YLPM1: variants seen among roughly 807,000 people sequenced by gnomAD.
The protein encoded by YLPM1 is YLP motif-containing protein 1.
In YLPM1, 99 loss-of-function variants were observed where a neutral mutation model predicts 230.0. The ratio of observed to expected loss-of-function variants is 0.43; its 90% CI spans 0.37 to 0.51. The LOEUF is 0.51. Ranked by LOEUF, YLPM1 falls within the 20% of genes least tolerant of loss-of-function variation. YLPM1 has a pLI of 0.00. For missense variants in YLPM1, 2,592 were observed against 2,707.7 expected (o/e 0.96, Z 0.95); for synonymous variants, 984 against 942.5 (o/e 1.04, Z -0.81).
chr14:74,774,734 G>A (rs1487017563), intron 1 of YLPM1, among the ~76,000 whole-genome samples: 1 of 151,824 alleles, frequency 6.6e-6, no homozygotes, highest in African/African-American at 2.4e-5. Context: ...TGTAGAGACG[G>A]GGTTTCACCA....
rs368628190 is a variant in YLPM1, at chr14:74,764,396, C to G, written c.873+34C>G. The G allele has an allele frequency of 2.6e-5, 40 of 1,545,874 alleles. No individual in the cohort carries two copies. In the Admixed American group the frequency reaches 3.6e-4, roughly 14 times the overall value. On this transcript the variant is annotated intron_variant, in intron 1 of 20. Coordinates refer to ENST00000325680, the MANE Select transcript of YLPM1 (RefSeq NM_019589.3). ...GCATCTGCCTGAACCTCATCTTTCACCTAGAGGGCCCTGAATGAGCAGGCC... is the reference window on the plus strand; with the variant it reads ...GCATCTGCCTGAACCTCATCTTTCAGCTAGAGGGCCCTGAATGAGCAGGCC...
At chr14:74,804,431 T>C (rs1346720234) in intron 6 of YLPM1, among the ~76,000 whole-genome samples, 2 of 152,162 alleles carry the variant, frequency 1.3e-5, no homozygotes, top group African/African-American at 4.8e-5. Context: ...GCTACTCCAC[T>C]CTCTGATGCT....
Position 74,817,118 on chromosome 14 carries a change from A to T in YLPM1, c.5862+11A>T. The T allele has an allele frequency of 6.3e-7, 1 of 1,598,834 alleles. No individual in the cohort carries two copies. The highest frequency in any genetic ancestry group is 8.5e-7 in the Non-Finnish European group (1 of 1,173,622). Reference sequence around the variant, plus strand: ...ACCAAGGGATTTGAGGTAGAAGCTTAAAGAACTTTAAAGTACTTTGTGTTG... The same window carrying T: ...ACCAAGGGATTTGAGGTAGAAGCTTTAAGAACTTTAAAGTACTTTGTGTTG... On this transcript the variant is annotated intron_variant, in intron 14 of 20. Transcript: ENST00000325680.
chr14:74,801,088 TC>T (rs1184938821), intron 5 of YLPM1, among the ~76,000 whole-genome samples: 1 of 152,238 alleles, frequency 6.6e-6, no homozygotes, highest in East Asian at 1.9e-4. Context: ...TCTTTTTTTT[TC>T]CTTTTTAAAT....
chr14:74,781,952 G>A lies in YLPM1; in HGVS notation c.1909G>A (p.Gly637Arg). The A allele has an allele frequency of 6.2e-7, 1 of 1,613,412 alleles. No homozygotes were observed. Among genetic ancestry groups the A allele is most frequent in the Non-Finnish European group, 8.5e-7 (1 of 1,179,678 alleles). Residue 637 changes from glycine (G) to arginine (R), a missense_variant, in exon 4 of 21, where the codon GGA becomes AGA. Around this residue, in one of 4 missense-constraint regions of YLPM1, gnomAD observed 1,862 missense variants for 1,819.8 expected, o/e 1.02. Transcript: ENST00000325680. The part of the protein sequence containing the change: ...ATPPPGIPPP[G>R]VPQGIPPQLT... ...ACCTCCTCCAGGAATACCTCCCCCT[G>A]GAGTTCCACAAGGGATACCTCCTCA... is the stretch of plus-strand genomic sequence containing the variant.
intron 4 of YLPM1, among the ~76,000 whole-genome samples, chr14:74,785,943 A>G (rs2091145458): frequency 6.6e-6 from 1 of 152,230 alleles, no homozygotes; most frequent in African/African-American, 2.4e-5. Context: ...TTGGTCCAGA[A>G]AACTGTCATA....
intron 4 of YLPM1, among the ~76,000 whole-genome samples, chr14:74,795,846 G>C (rs1371261319): frequency 6.6e-6 from 1 of 152,224 alleles, no homozygotes; most frequent in Non-Finnish European, 1.5e-5. Context: ...TAACAAGTTA[G>C]AAGTTTATTC....
intron 4 of YLPM1, among the ~76,000 whole-genome samples, chr14:74,787,605 T>G (rs1444892141): frequency 6.6e-6 from 1 of 151,430 alleles, no homozygotes; most frequent in African/African-American, 2.4e-5. Context: ...AACGCTGCAG[T>G]AAGACAGTTT....
Position 74,782,004 on chromosome 14 carries a change from C to T in YLPM1, c.1961C>T (p.Ala654Val), listed in dbSNP as rs528287760. The stretch of plus-strand genomic sequence containing the variant: ...TTAACAGCAGCCCCAGTTCCACCAG[C>T]CTCCAGTTCACAGAGCTCGCAAGTT... ...PQLTAAPVPP[A>V]SSSQSSQVPE... The change falls in exon 4 of 21, where the codon GCC becomes GTC. Residue 654 changes from alanine to valine, a missense_variant. This residue lies in a region of YLPM1 where 1,862 missense variants were observed against 1,819.8 expected (regional missense o/e 1.02). Coordinates refer to ENST00000325680, the MANE Select transcript of YLPM1 (RefSeq NM_019589.3). The T allele has an allele frequency of 3.3e-5, 54 of 1,613,920 alleles. No homozygotes were observed. The African/African-American group carries it at 6.4e-4, about 19-fold the overall frequency.
At chr14:74,810,815 T>G (rs1470348939) in intron 9 of YLPM1, among the ~76,000 whole-genome samples, 1 of 152,064 alleles carries the variant, frequency 6.6e-6, no homozygotes, top group African/African-American at 2.4e-5. Context: ...TATTTATTTA[T>G]TTATTCATTA....
intron 1 of YLPM1, among the ~76,000 whole-genome samples, 160 bp from the exon 2 acceptor site, chr14:74,778,287 G>A (rs577115900): frequency 6.6e-6 from 1 of 152,270 alleles, no homozygotes; most frequent in African/African-American, 2.4e-5. Flanking sequence ...TGTAGCCTGT[G>A]TTTAAGATCT....
chr14:74,796,237 TTTTA>T (rs1162281229), intron 4 of YLPM1, among the ~76,000 whole-genome samples: 1 of 152,244 alleles, frequency 6.6e-6, no homozygotes, highest in African/African-American at 2.4e-5. Flanking sequence ...TTACCTTATT[TTTTA>T]GTGTGCTGCT....
At chr14:74,814,775 A>G (rs149990933) in intron 11 of YLPM1, among the ~76,000 whole-genome samples, 84 of 152,298 alleles carry the variant, frequency 5.5e-4, no homozygotes, top group African/African-American at 1.9e-3. Context: ...TTCCTATTCT[A>G]TGTTTTTGAA....
chr14:74,784,352 C>T (rs1197682273), intron 4 of YLPM1, among the ~76,000 whole-genome samples: 1 of 152,320 alleles, frequency 6.6e-6, no homozygotes, highest in South Asian at 2.1e-4. Flanking sequence ...TCTACGGCAA[C>T]GCACGTTTGT....
intron 1 of YLPM1, among the ~76,000 whole-genome samples, chr14:74,772,534 T>C (rs1200564444): frequency 2.0e-5 from 3 of 151,962 alleles, no homozygotes; most frequent in Non-Finnish European, 2.9e-5. Context: ...AAGTTTTGTA[T>C]TTTTAGTAGA....
chr14:74,781,004 T>C (rs563897566), intron 3 of YLPM1, among the ~76,000 whole-genome samples: 2 of 152,324 alleles, frequency 1.3e-5, no homozygotes, highest in Admixed American at 6.5e-5. Flanking sequence ...TGAGGGGTAA[T>C]GTTGTGTCTG....
intron 1 of YLPM1, among the ~76,000 whole-genome samples, chr14:74,771,439 A>G (rs956641137): frequency 1.3e-5 from 2 of 152,238 alleles, no homozygotes; most frequent in Non-Finnish European, 2.9e-5. Flanking sequence ...ATAGGTATTC[A>G]TATTAGGTTG....
chr14:74,765,016 A>G (rs550900441), intron 1 of YLPM1, among the ~76,000 whole-genome samples: 5 of 152,194 alleles, frequency 3.3e-5, no homozygotes, highest in Non-Finnish European at 7.4e-5. Context: ...TTATTTAAAG[A>G]TTGTTTTAAG....
intron 1 of YLPM1, 114 bp from the exon 2 acceptor site, chr14:74,778,333 C>A: frequency 1.1e-6 from 1 of 936,068 alleles, no homozygotes; most frequent in African/African-American, 1.7e-5. Flanking sequence ...CTAGCTTTGC[C>A]TTTTTTTACA....
Sources: allele counts gnomAD v4.1 joint callset (sites outside exome capture counted in the v4.1 genomes callset), GRCh38; gene constraint gnomAD v4.1.1; regional missense constraint gnomAD v4.1.1; transcripts MANE v1.5; gene names NCBI Gene and HGNC (gene_info 2026-07-23, HGNC 2026-07-21).